The following MRPS9 variants were observed in gnomAD, a reference collection of about 807,000 sequenced individuals.
The protein encoded by MRPS9 is small ribosomal subunit protein uS9m.
MRPS9 carries 45 observed loss-of-function variants against 59.9 expected under a neutral mutation model. That is an observed-to-expected ratio of 0.75 (90% CI 0.59 to 0.96). The LOEUF is 0.96. Among genes scored for constraint, MRPS9 ranks in the 40% least tolerant of loss-of-function variants. MRPS9 has a pLI of 0.00. For synonymous variants in MRPS9, 171 were observed against 166.8 expected (o/e 1.03, Z -0.19); for missense variants, 473 against 481.1 (o/e 0.98, Z 0.16).
chr2:105,073,458 C>G (rs1680151967), intron 4 of MRPS9, among the ~76,000 whole-genome samples: 3 of 152,092 alleles, frequency 2.0e-5, no homozygotes, highest in African/African-American at 4.8e-5. Context: ...TGCTTACCTA[C>G]CTACCTCCCA....
At chr2:105,038,308 C>T in intron 1 of MRPS9, 81 bp downstream of exon 1, 1 of 1,536,244 alleles carries the variant, frequency 6.5e-7, no homozygotes, top group Non-Finnish European at 8.8e-7. Flanking sequence ...CCCCCAGCGT[C>T]TCGCGTGCCT....
intron 1 of MRPS9, among the ~76,000 whole-genome samples, chr2:105,048,670 G>C (rs1679653100): frequency 6.6e-6 from 1 of 151,912 alleles, no homozygotes. Context: ...GCCAAAAGAT[G>C]GTTAAAGATA....
chr2:105,069,896 C>T (rs1029548954), intron 2 of MRPS9, among the ~76,000 whole-genome samples: 1 of 151,968 alleles, frequency 6.6e-6, no homozygotes, highest in Non-Finnish European at 1.5e-5. Context: ...GCCTCTAGCC[C>T]CAGCTACTCC....
intron 4 of MRPS9, 112 bp downstream of exon 4, chr2:105,071,601 A>G: frequency 9.9e-7 from 1 of 1,006,140 alleles, no homozygotes. Context: ...GTGTCACAGT[A>G]GTTGTGAAGT....
At chr2:105,050,694 T>G (rs773337124) in intron 2 of MRPS9, among the ~76,000 whole-genome samples, 4 of 152,182 alleles carry the variant, frequency 2.6e-5, no homozygotes, top group Non-Finnish European at 4.4e-5. Context: ...CAAAAAAAAT[T>G]ATTGACCATT....
At chr2:105,079,287 TGC>T (rs1389897057) in intron 4 of MRPS9, among the ~76,000 whole-genome samples, 2 of 126,528 alleles carry the variant, frequency 1.6e-5, no homozygotes, top group African/African-American at 6.3e-5. Flanking sequence ...AGAGATAGTA[TGC>T]GCAAAGGACA....
At chr2:105,042,879 A>G (rs1679525811) in intron 1 of MRPS9, among the ~76,000 whole-genome samples, 1 of 152,206 alleles carries the variant, frequency 6.6e-6, no homozygotes, top group South Asian at 2.1e-4. Flanking sequence ...TAAAAATAGA[A>G]TAATATAATG....
At chr2:105,084,354 G>T (rs1426735090) in intron 5 of MRPS9, among the ~76,000 whole-genome samples, 1 of 151,732 alleles carries the variant, frequency 6.6e-6, no homozygotes. Flanking sequence ...TGTACACAGG[G>T]TTCATTTGCC....
chr2:105,048,323 A>G (rs952510762), intron 1 of MRPS9, among the ~76,000 whole-genome samples: 1 of 151,680 alleles, frequency 6.6e-6, no homozygotes, highest in African/African-American at 2.4e-5. Context: ...GGACACAGGA[A>G]GGGGAACATC....
chr2:105,080,936 G>A (rs1199950163), intron 5 of MRPS9, among the ~76,000 whole-genome samples: 1 of 151,692 alleles, frequency 6.6e-6, no homozygotes, highest in Non-Finnish European at 1.5e-5. Flanking sequence ...CCTTCTTTTC[G>A]CTTTTTGTTG....
chr2:105,088,844 T>G (rs79376930), intron 5 of MRPS9, 140 bp from the exon 6 acceptor site: 29,579 of 455,350 alleles, frequency 0.065, 2,356 homozygotes, highest in East Asian at 0.33. Flanking sequence ...TTTTCAGTTT[T>G]ATTTACTCTG....
At chr2:105,052,029 A>G (rs1573419732) in intron 2 of MRPS9, among the ~76,000 whole-genome samples, 1 of 152,312 alleles carries the variant, frequency 6.6e-6, no homozygotes, top group Non-Finnish European at 1.5e-5. Context: ...CAAAGAATCC[A>G]CTAAAAACTA....
chr2:105,071,974 T>G (rs1432417905), intron 4 of MRPS9, among the ~76,000 whole-genome samples: 3 of 150,666 alleles, frequency 2.0e-5, no homozygotes, highest in Non-Finnish European at 4.4e-5. Flanking sequence ...CTGGCTTCTC[T>G]TAAGATATTC....
rs1296318104 is a variant in MRPS9, at chr2:105,038,378, G to C, written c.135+151G>C. The C allele has an allele frequency of 3.0e-6, 3 of 998,874 alleles. No individual in the cohort carries two copies. In the East Asian group the frequency reaches 7.9e-5, roughly 26 times the overall value. 61.9% of individuals were successfully genotyped at this position (998,874 alleles called of 1,614,324 possible). ...GGAGGTCTGAGGTTGGGGGGGAGGA[G>C]GTGGGTATTGGCGTGCAGTAGCCGC... is the stretch of plus-strand genomic sequence containing the variant. On this transcript the variant is annotated intron_variant, in intron 1 of 10. Coordinates refer to ENST00000258455, the MANE Select transcript of MRPS9 (RefSeq NM_182640.3).
intron 1 of MRPS9, among the ~76,000 whole-genome samples, chr2:105,043,501 G>A (rs554982758): frequency 6.6e-6 from 1 of 152,268 alleles, no homozygotes; most frequent in African/African-American, 2.4e-5. Context: ...AGGACAGTTG[G>A]AATACCGTTT....
chr2:105,094,506 G>A (rs942042031), intron 9 of MRPS9, among the ~76,000 whole-genome samples: 2 of 152,112 alleles, frequency 1.3e-5, no homozygotes, highest in African/African-American at 4.8e-5. Context: ...CGGTATTTAA[G>A]GTCAAAAGGG....
At chr2:105,079,927 T>C (rs1680294846) in intron 4 of MRPS9, 56 bp from the exon 5 acceptor site, 1 of 1,248,608 alleles carries the variant, frequency 8.0e-7, no homozygotes. Context: ...AATGCAGCTA[T>C]TTGGTCTGTC....
intron 2 of MRPS9, among the ~76,000 whole-genome samples, chr2:105,052,273 C>T (rs1474232163): frequency 1.3e-5 from 2 of 152,150 alleles, no homozygotes; most frequent in African/African-American, 4.8e-5. Context: ...GGTGCTCTAT[C>T]AGATTCAGTA....
chr2:105,080,069 A>AT lies in MRPS9; in HGVS notation c.489+8dup. 1 of 1,564,858 alleles carries AT rather than the reference A, an allele frequency of 6.4e-7. No homozygotes were observed. The highest frequency in any genetic ancestry group is 8.8e-7 in the Non-Finnish European group (1 of 1,140,028). On this transcript the variant is annotated splice_region_variant and intron_variant, in intron 5 of 10. Coordinates refer to ENST00000258455, the MANE Select transcript of MRPS9 (RefSeq NM_182640.3). ...ATACTATTCATTAATGCATGTAAGT[A>AT]TATTGCATTTATGATAAATAATATG...
Sources: allele counts gnomAD v4.1 joint callset (sites outside exome capture counted in the v4.1 genomes callset), GRCh38; gene constraint gnomAD v4.1.1; transcripts MANE v1.5; gene names NCBI Gene and HGNC (gene_info 2026-07-23, HGNC 2026-07-21).